DEGS1: variants seen among roughly 807,000 people sequenced by gnomAD.
DEGS1 encodes the protein sphingolipid delta(4)-desaturase DES1.
DEGS1 carries 17 observed loss-of-function variants against 24.1 expected under a neutral mutation model. That is an observed-to-expected ratio of 0.70 (90% CI 0.48 to 1.06). The LOEUF is 1.06. Ranked by LOEUF, DEGS1 falls within the 50% of genes least tolerant of loss-of-function variation. DEGS1 has a pLI of 0.00. For synonymous variants in DEGS1, 134 were observed against 140.0 expected, an observed-to-expected ratio of 0.96 and a Z score of 0.30; for missense variants, 366 against 408.9, an observed-to-expected ratio of 0.90 and a Z score of 0.91.
rs746100068 is a variant in DEGS1, at chr1:224,192,377, A to C, written c.871A>C (p.Asn291His). ...ATACTATGACAACCTCCCTCACTAC[A>C]ATTCCTGGATAAAAGTACTGTATGA... is the stretch of plus-strand genomic sequence containing the variant. ...AEYYDNLPHY[N>H]SWIKVLYDFV... Residue 291 changes from asparagine (N) to histidine (H), a missense_variant, in exon 3 of 3, where the codon AAT becomes CAT. Physicochemically the swap from Asn to His is moderately conservative, Grantham distance 68 (BLOSUM62 1). Coordinates refer to ENST00000323699, the MANE Select transcript of DEGS1 (RefSeq NM_003676.4). 6.2e-6 allele frequency: 10 copies of C among 1,613,758 alleles called. No homozygotes were observed. The highest frequency in any genetic ancestry group is 7.6e-6 in the Non-Finnish European group (9 of 1,179,868).
intron 1 of DEGS1, among the ~76,000 whole-genome samples, chr1:224,187,430 A>G (rs1022361103): frequency 1.3e-5 from 2 of 152,146 alleles, no homozygotes; most frequent in African/African-American, 4.8e-5. Context: ...GCTGGAGTGC[A>G]GTGGTGTGAT....
At chr1:224,183,554 C>T (rs574831810) in intron 1 of DEGS1, 136 bp downstream of exon 1, 4 of 612,788 alleles carry the variant, frequency 6.5e-6, no homozygotes, top group East Asian at 7.9e-5. Context: ...GTCCCGTCGC[C>T]GCTCGGGCCG....
chr1:224,191,771 A>AT (rs1658542201), intron 2 of DEGS1, among the ~76,000 whole-genome samples: 1 of 151,294 alleles, frequency 6.6e-6, no homozygotes, highest in African/African-American at 2.4e-5. Flanking sequence ...ATTTTTTTGT[A>AT]TTTTTAGTAG....
rs182174019 is a variant in DEGS1, at chr1:224,190,472, C to T, written c.825+153C>T. Among the ~76,000 whole-genome samples, 709 of 152,026 alleles carry T rather than the reference C, an allele frequency of 4.7e-3. 8 individuals carry two copies. Among genetic ancestry groups the T allele is most frequent in the African/African-American group, 0.014 (587 of 41,498 alleles). ...TCCCGGGTTCAAACGATTCTCATGC[C>T]TCAGTCTCCCAAGTAGTTGGGATTA... On this transcript the variant is annotated intron_variant, in intron 2 of 2. Coordinates refer to ENST00000323699, the MANE Select transcript of DEGS1 (RefSeq NM_003676.4).
rs1658478528 is a variant in DEGS1, at chr1:224,189,558, T to G, written c.83-19T>G. ...TACATACTTTTCTTAGTTCCTGTTT[T>G]TTTGTTTTTTCTTTACAGCAAAGTA... On this transcript the variant is annotated intron_variant, in intron 1 of 2. Coordinates refer to ENST00000323699, the MANE Select transcript of DEGS1 (RefSeq NM_003676.4). 1 of 1,538,514 alleles carries G rather than the reference T, an allele frequency of 6.5e-7. No homozygotes were observed. The highest frequency in any genetic ancestry group is 8.7e-7 in the Non-Finnish European group (1 of 1,144,418).
In DEGS1 at chr1:224,189,564, T is replaced by G. The variant is rs757959125; in HGVS notation, c.83-13T>G. Reference sequence around the variant, plus strand: ...CTTTTCTTAGTTCCTGTTTTTTTGTTTTTTCTTTACAGCAAAGTATCCAGA... The same window carrying G: ...CTTTTCTTAGTTCCTGTTTTTTTGTGTTTTCTTTACAGCAAAGTATCCAGA... On this transcript the variant is annotated splice_polypyrimidine_tract_variant and intron_variant, in intron 1 of 2. Transcript: ENST00000323699. 1.0e-5 allele frequency: 16 copies of G among 1,547,948 alleles called. No homozygotes were observed. The highest frequency in any genetic ancestry group is 1.3e-5 in the Non-Finnish European group (15 of 1,151,100).
intron 2 of DEGS1, among the ~76,000 whole-genome samples, chr1:224,191,338 C>T (rs1658530279): frequency 6.7e-6 from 1 of 150,306 alleles, no homozygotes; most frequent in Non-Finnish European, 1.5e-5. Flanking sequence ...TGCAGTGAGC[C>T]GAGATTGTGC....
intron 2 of DEGS1, 141 bp from the exon 3 acceptor site, chr1:224,192,191 C>CTT (rs1168182331): frequency 2.2e-4 from 124 of 558,236 alleles, no homozygotes; most frequent in South Asian, 3.7e-4. Context: ...GCTGCTGCTG[C>CTT]TTTTTTTTTT....
In DEGS1 at chr1:224,192,426, G is replaced by A; in HGVS notation, c.920G>A (p.Ser307Asn). 1.2e-6 allele frequency: 2 copies of A among 1,613,412 alleles called. No homozygotes were observed. The highest frequency in any genetic ancestry group is 1.7e-6 in the Non-Finnish European group (2 of 1,179,738). The change falls in exon 3 of 3, where the codon AGT becomes AAT. Residue 307 changes from serine to asparagine, a missense_variant. Ser to Asn is a conservative substitution (Grantham distance 46). Coordinates refer to ENST00000323699, the MANE Select transcript of DEGS1 (RefSeq NM_003676.4). ...GATTTTGTGATGGATGATACAATAA[G>A]TCCCTACTCAAGAATGAAGAGGCAC... ...LYDFVMDDTISPYSRMKRHQK... is the reference protein window; with the variant it reads ...LYDFVMDDTINPYSRMKRHQK...
intron 1 of DEGS1, among the ~76,000 whole-genome samples, chr1:224,187,506 G>T (rs922140645): frequency 6.6e-6 from 1 of 151,996 alleles, no homozygotes; most frequent in African/African-American, 2.4e-5. Flanking sequence ...CTACAGGCTT[G>T]TGCCACCTCA....
At position 224,183,272 on chromosome 1, in the gene DEGS1, G is replaced by GCCA. The variant is rs1271283849; in HGVS notation, c.-62_-60dup. 6 of 1,384,068 alleles carry GCCA rather than the reference G, an allele frequency of 4.3e-6. No homozygotes were observed. The highest frequency in any genetic ancestry group is 5.7e-6 in the Non-Finnish European group (6 of 1,043,820). 85.7% of individuals were successfully genotyped at this position (1,384,068 alleles called of 1,614,324 possible). A position where few individuals can be genotyped will look rare whatever the true frequency, so the allele number is the denominator to read the frequency against. On this transcript the variant is annotated 5_prime_UTR_variant, in exon 1 of 3. Coordinates refer to ENST00000323699, the MANE Select transcript of DEGS1 (RefSeq NM_003676.4). ...CAGCCGGGGAGCCGCCGCCGCCGCCGCCACCTCTGAGCAGCCGGCTGGGAG... is the reference window on the plus strand; with the variant it reads ...CAGCCGGGGAGCCGCCGCCGCCGCCGCCACCACCTCTGAGCAGCCGGCTGGGAG...
chr1:224,187,681 C>G (rs1472960116), intron 1 of DEGS1, among the ~76,000 whole-genome samples: 1 of 152,110 alleles, frequency 6.6e-6, no homozygotes, highest in African/African-American at 2.4e-5. Context: ...TATAATTCAA[C>G]TATCATGATT....
At position 224,192,521 on chromosome 1, in the gene DEGS1, G is replaced by T; in HGVS notation, c.*43G>T. The T allele has an allele frequency of 6.3e-7, 1 of 1,576,986 alleles. No individual in the cohort carries two copies. Among genetic ancestry groups the T allele is most frequent in the South Asian group, 1.2e-5 (1 of 84,896 alleles). ...GGGATTCTTCTCCAAAACTTTAGATGATAAAATGGAATTTTTGCATTATTA... is the reference window on the plus strand; with the variant it reads ...GGGATTCTTCTCCAAAACTTTAGATTATAAAATGGAATTTTTGCATTATTA... On this transcript the variant is annotated 3_prime_UTR_variant, in exon 3 of 3. Transcript: ENST00000323699.
intron 1 of DEGS1, among the ~76,000 whole-genome samples, chr1:224,186,387 C>A (rs1191981876): frequency 6.6e-6 from 1 of 152,044 alleles, no homozygotes; most frequent in Non-Finnish European, 1.5e-5. Context: ...ACAGACTTAT[C>A]ACTGAACCAT....
rs1481477617 is a variant in DEGS1, at chr1:224,192,825, G to A, written c.*347G>A. 4.8e-6 allele frequency: 1 copy of A among 208,074 alleles called. No individual in the cohort carries two copies. Among genetic ancestry groups the A allele is most frequent in the Non-Finnish European group, 9.6e-6 (1 of 104,576 alleles). The allele number at this position is 208,074 out of a possible 1,614,324, so 12.9% of individuals were successfully genotyped here. On this transcript the variant is annotated 3_prime_UTR_variant, in exon 3 of 3. Coordinates refer to ENST00000323699, the MANE Select transcript of DEGS1 (RefSeq NM_003676.4). ...TCCCAGCACTTTGGGAGGCCAAGGT[G>A]GGTGGATCACCTGAGGTCAGGAGTT... is the stretch of plus-strand genomic sequence containing the variant.
At chr1:224,183,488 C>G (rs1658288279) in intron 1 of DEGS1, 70 bp downstream of exon 1, 1 of 1,201,026 alleles carries the variant, frequency 8.3e-7, no homozygotes, top group Admixed American at 4.3e-5. Flanking sequence ...TCTCCCCTCG[C>G]GGGCCCTGCG....
intron 1 of DEGS1, among the ~76,000 whole-genome samples, chr1:224,185,577 G>A (rs1658363126): frequency 6.6e-6 from 1 of 152,192 alleles, no homozygotes; most frequent in Non-Finnish European, 1.5e-5. Flanking sequence ...TCGGCTCACT[G>A]CAACCTCTCC....
chr1:224,189,265 ATAAGG>A (rs1351399310), intron 1 of DEGS1, among the ~76,000 whole-genome samples: 1 of 152,206 alleles, frequency 6.6e-6, no homozygotes, highest in Non-Finnish European at 1.5e-5. Flanking sequence ...ATCGTTTTAT[ATAAGG>A]TAAGAATGCT....
Position 224,192,640 on chromosome 1 carries a change from C to T in DEGS1, c.*162C>T. 1.5e-6 allele frequency: 1 copy of T among 647,038 alleles called. No individual in the cohort carries two copies. The highest frequency in any genetic ancestry group is 2.0e-5 in the South Asian group (1 of 50,932). 40.1% of individuals were successfully genotyped at this position (647,038 alleles called of 1,614,324 possible). On this transcript the variant is annotated 3_prime_UTR_variant, in exon 3 of 3. Coordinates refer to ENST00000323699, the MANE Select transcript of DEGS1 (RefSeq NM_003676.4). The stretch of plus-strand genomic sequence containing the variant: ...GAAGTGAATCTGGCTTTTAAACAGT[C>T]AGCCTGACTCTGTACTGCTCAGTTT...
Sources: gnomAD v4.1 joint callset for allele counts (sites outside exome capture counted in the v4.1 genomes callset) on GRCh38, gnomAD v4.1.1 for gene constraint, MANE v1.5 for transcripts, NCBI Gene and HGNC (gene_info 2026-07-23, HGNC 2026-07-21) for gene names.